Variants in COL6A5 observed in about 807,000 individuals in gnomAD.
The protein encoded by COL6A5 is collagen alpha-5(VI) chain.
Under a neutral mutation model 65.6 loss-of-function variants are expected in COL6A5, and 48 were observed. The observed-to-expected ratio is 0.73, with a 90% CI of 0.58 to 0.93. The LOEUF (loss-of-function observed/expected upper bound fraction) is 0.93, where lower values mean the gene tolerates loss of function less well. Ranked by LOEUF, COL6A5 falls within the 40% of genes least tolerant of loss-of-function variation. The pLI, the probability that COL6A5 is intolerant of heterozygous loss-of-function variation, is 0.00. For missense variants in COL6A5, 914 were observed against 928.3 expected, an observed-to-expected ratio of 0.98 and a Z score of 0.20; for synonymous variants, 291 against 322.8, an observed-to-expected ratio of 0.90 and a Z score of 1.05.
exon 6 of COL6A5, chr3:130,389,080 G>T: frequency 6.8e-7 from 1 of 1,477,810 alleles, no homozygotes; most frequent in Non-Finnish European, 9.0e-7. Flanking sequence ...TGAGAACTTC[G>T]ATCATCTAAA....
At chr3:130,390,663 A>C (rs995625704) in intron 6 of COL6A5, among the ~76,000 whole-genome samples, 21 of 152,340 alleles carry the variant, frequency 1.4e-4, no homozygotes, top group African/African-American at 5.0e-4. Context: ...AAATAACTGC[A>C]GAGAGACATG....
exon 5 of COL6A5, chr3:130,384,943 A>G (rs748299803): frequency 1.0e-5 from 16 of 1,550,998 alleles, no homozygotes; most frequent in Middle Eastern, 3.3e-4. Flanking sequence ...ACAAAGTCCG[A>G]GTTGGAGTTG....
At chr3:130,390,152 A>G (rs1489103657) in intron 6 of COL6A5, among the ~76,000 whole-genome samples, 1 of 152,206 alleles carries the variant, frequency 6.6e-6, no homozygotes, top group East Asian at 1.9e-4. Flanking sequence ...TAAAGGCTAT[A>G]GCTTCAACTT....
At chr3:130,398,235 A>G in intron 10 of COL6A5, 124 bp downstream of exon 10, 1 of 664,588 alleles carries the variant, frequency 1.5e-6, no homozygotes, top group South Asian at 1.9e-5. Flanking sequence ...GGTTCACACC[A>G]TTCTCCTGCC....
exon 3 of COL6A5, chr3:130,440,594 T>G (rs372710242): frequency 1.2e-6 from 2 of 1,613,404 alleles, no homozygotes; most frequent in African/African-American, 1.3e-5. Context: ...CTTTGTGGTC[T>G]CAGCTGGAGA....
At chr3:130,403,032 A>G (rs1936866155) in intron 12 of COL6A5, among the ~76,000 whole-genome samples, 1 of 152,168 alleles carries the variant, frequency 6.6e-6, no homozygotes. Context: ...TATGTTCCAG[A>G]AGCACAACCC....
chr3:130,441,867 G>C (rs1313621081), intron 3 of COL6A5, among the ~76,000 whole-genome samples: 1 of 152,128 alleles, frequency 6.6e-6, no homozygotes, highest in African/African-American at 2.4e-5. Flanking sequence ...ATATCCCACA[G>C]AATCAGAGCT....
intron 1 of COL6A5, among the ~76,000 whole-genome samples, chr3:130,350,763 C>T (rs1434551734): frequency 6.6e-6 from 1 of 152,134 alleles, no homozygotes; most frequent in African/African-American, 2.4e-5. Flanking sequence ...TCTATGCCAT[C>T]CCCATCAAGC....
rs192887241 is a variant in COL6A5 at position 130,482,604 on chromosome 3, G to A, written c.2329-1431G>A. ...AAGAAAGTCAATGGTAGCTTGATGG[G>A]GATAGCATTGAATCTATAAATTACT... On this transcript the variant is annotated intron_variant, in intron 7 of 7. Coordinates refer to ENST00000512836, the Ensembl canonical transcript of COL6A5. Among the ~76,000 whole-genome samples, 393 of 152,132 alleles carry A rather than the reference G, an allele frequency of 2.6e-3. 8 individuals carry two copies. Among genetic ancestry groups the A allele is most frequent in the Admixed American group, 0.021 (322 of 15,278 alleles).
chr3:130,390,425 G>A (rs879448348), intron 6 of COL6A5, among the ~76,000 whole-genome samples: 2 of 152,146 alleles, frequency 1.3e-5, no homozygotes, highest in African/African-American at 4.8e-5. Flanking sequence ...CTAGGCAGGT[G>A]GAAAGTGGAG....
upstream of COL6A5, chr3:130,431,374 C>A: frequency 7.0e-7 from 1 of 1,420,226 alleles, no homozygotes; most frequent in Non-Finnish European, 9.6e-7. Context: ...TGCTTTGCCT[C>A]TGTATGAACC....
chr3:130,477,015 G>A (rs759895579), intron 7 of COL6A5: 2 of 1,160,440 alleles, frequency 1.7e-6, no homozygotes, highest in South Asian at 1.3e-5. Context: ...GAATCACTGA[G>A]TTGTACTTTG....
chr3:130,395,249 G>T (rs1156437526), exon 8 of COL6A5: 10 of 1,551,656 alleles, frequency 6.4e-6, no homozygotes, highest in Non-Finnish European at 8.7e-6. Flanking sequence ...CACATCTGGA[G>T]ATCCTCGCTA....
intron 6 of COL6A5, among the ~76,000 whole-genome samples, chr3:130,389,432 A>T (rs573654210): frequency 4.2e-4 from 64 of 152,136 alleles, no homozygotes; most frequent in Admixed American, 2.0e-3. Flanking sequence ...GATTTTCCAG[A>T]GCCAGTTTTT....
At chr3:130,464,356 C>T (rs976916280) in intron 5 of COL6A5, among the ~76,000 whole-genome samples, 1 of 152,004 alleles carries the variant, frequency 6.6e-6, no homozygotes, top group African/African-American at 2.4e-5. Context: ...TTATTTTGAA[C>T]CCCTGGCCTC....
chr3:130,406,205 A>T, intron 16 of COL6A5, 30 bp downstream of exon 16: 2 of 1,550,212 alleles, frequency 1.3e-6, no homozygotes, highest in Non-Finnish European at 1.7e-6. Flanking sequence ...GTATCATAAA[A>T]CTGTCATGAG....
intron 3 of COL6A5, among the ~76,000 whole-genome samples, chr3:130,442,588 G>C (rs992303441): frequency 1.3e-5 from 2 of 152,036 alleles, no homozygotes. Context: ...GAGTGAAAAG[G>C]CTCCTCTGCT....
intron 5 of COL6A5, among the ~76,000 whole-genome samples, chr3:130,464,465 G>A (rs1709769953): frequency 6.6e-6 from 1 of 152,014 alleles, no homozygotes; most frequent in African/African-American, 2.4e-5. Context: ...AAGTGTGTTG[G>A]TTGGCCTTTT....
rs1250328144 is a variant in COL6A5 at position 130,470,095 on chromosome 3, T to C, written c.2231+614T>C. ...TTCTGACTTGAATTCTTATGAGCCA[T>C]AGGGACAAATCTCCTCTACAGCCTC... On this transcript the variant is annotated intron_variant, in intron 6 of 7. Transcript: ENST00000512836. Among the ~76,000 whole-genome samples, 16 of 152,044 alleles carry C rather than the reference T, an allele frequency of 1.1e-4. 1 individual carries two copies. Among genetic ancestry groups the C allele is most frequent in the Admixed American group, 1.1e-3 (16 of 15,232 alleles).
Sources: allele counts gnomAD v4.1 joint callset (sites outside exome capture counted in the v4.1 genomes callset), GRCh38; gene constraint gnomAD v4.1.1; transcripts MANE v1.5; gene names NCBI Gene and HGNC (gene_info 2026-07-23, HGNC 2026-07-21).